Variants in SEC24D observed in about 807,000 individuals in gnomAD.
SEC24D encodes the protein protein transport protein Sec24D.
Under a neutral mutation model 116.9 loss-of-function variants are expected in SEC24D, and 69 were observed. The observed-to-expected ratio is 0.59, with a 90% confidence interval of 0.49 to 0.72. SEC24D has a LOEUF of 0.72. Among genes scored for constraint, SEC24D ranks in the 30% least tolerant of loss-of-function variants. SEC24D has a pLI of 0.00. For synonymous variants in SEC24D, 405 were observed against 442.8 expected, an observed-to-expected ratio of 0.91 and a Z score of 1.07; for missense variants, 1,131 against 1,264.1, an observed-to-expected ratio of 0.89 and a Z score of 1.60.
intron 2 of SEC24D, 30 bp from the exon 3 acceptor site, chr4:118,824,779 G>T: frequency 6.5e-7 from 1 of 1,542,420 alleles, no homozygotes; most frequent in Non-Finnish European, 8.7e-7. Flanking sequence ...ATTTAGAAGT[G>T]TATTAAAGTA....
At chr4:118,758,415 GT>G (rs1437710269) in intron 10 of SEC24D, 1 of 152,096 alleles carries the variant, frequency 6.6e-6, no homozygotes, top group Non-Finnish European at 1.5e-5. Context: ...TACTGACCTA[GT>G]TTTTTACATA....
chr4:118,800,479 C>T (rs770392635), intron 7 of SEC24D, among the ~76,000 whole-genome samples: 2 of 151,982 alleles, frequency 1.3e-5, no homozygotes, highest in African/African-American at 2.4e-5. Context: ...ACTGGAAATC[C>T]GGATTTTTAT....
At chr4:118,757,978 ATCATTTT>A (rs1286745954) in intron 10 of SEC24D, 133 bp from the exon 11 acceptor site, 6 of 693,164 alleles carry the variant, frequency 8.7e-6, no homozygotes, top group Admixed American at 3.3e-5. Flanking sequence ...GTGGAATTAA[ATCATTTT>A]TCCAGAATAT....
intron 9 of SEC24D, among the ~76,000 whole-genome samples, chr4:118,766,335 A>G (rs533461024): frequency 6.6e-6 from 1 of 152,336 alleles, no homozygotes; most frequent in African/African-American, 2.4e-5. Flanking sequence ...CAAGGAAATA[A>G]GAGTGGAATC....
intron 2 of SEC24D, among the ~76,000 whole-genome samples, chr4:118,831,068 C>G (rs188372367): frequency 6.6e-6 from 1 of 152,286 alleles, no homozygotes; most frequent in East Asian, 1.9e-4. Context: ...GTTCCCCAGG[C>G]TGGAGTGCAG....
At chr4:118,731,111 A>G (rs747952155) in intron 21 of SEC24D, 43 of 555,610 alleles carry the variant, frequency 7.7e-5, no homozygotes, top group South Asian at 1.3e-4. Context: ...TTAAAGTCAC[A>G]TATTTTAGTT....
At chr4:118,746,857 TCA>T (rs1422353370) in intron 13 of SEC24D, among the ~76,000 whole-genome samples, 1 of 152,092 alleles carries the variant, frequency 6.6e-6, no homozygotes, top group African/African-American at 2.4e-5. Context: ...AATGTCTCTC[TCA>T]GTGAGTGACA....
intron 15 of SEC24D, among the ~76,000 whole-genome samples, chr4:118,742,622 A>G (rs1182682803): frequency 2.0e-5 from 3 of 152,236 alleles, no homozygotes; most frequent in Non-Finnish European, 2.9e-5. Flanking sequence ...CTTTGGTCTT[A>G]TCAAGTCCCT....
At chr4:118,728,955 T>C in intron 21 of SEC24D, 1 of 222,834 alleles carries the variant, frequency 4.5e-6, no homozygotes, top group Non-Finnish European at 8.8e-6. Context: ...GGGTTCTGCA[T>C]CCATGGATTC....
intron 8 of SEC24D, among the ~76,000 whole-genome samples, chr4:118,792,220 G>C (rs1028824222): frequency 2.7e-5 from 4 of 150,424 alleles, no homozygotes; most frequent in Non-Finnish European, 5.9e-5. Flanking sequence ...CGGCCGCCCC[G>C]TCTGGGAAGT....
intron 8 of SEC24D, among the ~76,000 whole-genome samples, chr4:118,789,849 G>A (rs1397196160): frequency 6.6e-6 from 1 of 152,194 alleles, no homozygotes; most frequent in East Asian, 1.9e-4. Context: ...CTCCCAAAGT[G>A]CTGGGATTAC....
chr4:118,780,991 T>A (rs575742500), intron 8 of SEC24D, among the ~76,000 whole-genome samples: 1 of 148,938 alleles, frequency 6.7e-6, no homozygotes, highest in Admixed American at 6.8e-5. Flanking sequence ...TATGTGTGTC[T>A]CTGCATGTGA....
intron 2 of SEC24D, among the ~76,000 whole-genome samples, chr4:118,826,572 A>G (rs1464113404): frequency 6.6e-6 from 1 of 152,082 alleles, no homozygotes; most frequent in Non-Finnish European, 1.5e-5. Flanking sequence ...TTCAACTTAA[A>G]TAATTACATG....
intron 8 of SEC24D, among the ~76,000 whole-genome samples, chr4:118,793,121 G>C (rs140634777): frequency 6.6e-6 from 1 of 152,058 alleles, no homozygotes; most frequent in African/African-American, 2.4e-5. Context: ...TGCCTGTGAC[G>C]TAGGAAAAAT....
chr4:118,834,067 G>T (rs949973536), intron 1 of SEC24D, among the ~76,000 whole-genome samples: 53 of 152,144 alleles, frequency 3.5e-4, no homozygotes, highest in African/African-American at 1.2e-3. Context: ...TTGTGCTTTT[G>T]GTTTCCATGG....
At chr4:118,799,223 G>A (rs1016327592) in intron 7 of SEC24D, among the ~76,000 whole-genome samples, 2 of 152,216 alleles carry the variant, frequency 1.3e-5, no homozygotes, top group African/African-American at 4.8e-5. Flanking sequence ...GTGTGAAGAT[G>A]TGAGTGTGAG....
chr4:118,745,204 C>T lies in SEC24D; in HGVS notation c.1708-144G>A, dbSNP rs997754470. The T allele has an allele frequency of 6.1e-5, 35 of 576,996 alleles. 1 individual carries two copies. The highest frequency in any genetic ancestry group is 5.8e-4 in the South Asian group (25 of 42,826). The allele number at this position is 576,996 out of a possible 1,614,324, so 35.7% of individuals were successfully genotyped here. ...TTAATCCTCATAATAACCTTTGTGT[C>T]CTTGGGCAGGTACTATTCTATTTTA... On this transcript the variant is annotated intron_variant, in intron 13 of 22. Coordinates refer to ENST00000280551, the MANE Select transcript of SEC24D (RefSeq NM_014822.4).
chr4:118,726,360 T>G (rs1725412931), intron 22 of SEC24D, among the ~76,000 whole-genome samples: 1 of 151,998 alleles, frequency 6.6e-6, no homozygotes, highest in Non-Finnish European at 1.5e-5. Context: ...AGGAGAGAAT[T>G]TGAGGAAGTA....
chr4:118,813,598 T>C lies in SEC24D; in HGVS notation c.801+1430A>G, dbSNP rs79860461. Among the ~76,000 whole-genome samples the C allele has an allele frequency of 6.8e-3, 1,032 of 152,288 alleles. 34 individuals carry two copies. The East Asian group carries it at 0.084, about 12-fold the overall frequency. ...ATAACCTATTAATCCATTAACCCAC[T>C]AATCCATGAACGGATTAATCCATTC... On this transcript the variant is annotated intron_variant, in intron 6 of 22. Coordinates refer to ENST00000280551, the MANE Select transcript of SEC24D (RefSeq NM_014822.4).
Sources: allele counts gnomAD v4.1 joint callset (sites outside exome capture counted in the v4.1 genomes callset), GRCh38; gene constraint gnomAD v4.1.1; transcripts MANE v1.5; gene names NCBI Gene and HGNC (gene_info 2026-07-23, HGNC 2026-07-21).